The following CAMKMT variants were observed in gnomAD, a reference collection of about 807,000 sequenced individuals.
The protein encoded by CAMKMT is CaM KMT.
A neutral mutation model predicts 48.0 loss-of-function variants in CAMKMT; 53 were observed. The ratio of observed to expected loss-of-function variants is 1.10; its 90% CI spans 0.89 to 1.39. The LOEUF (loss-of-function observed/expected upper bound fraction) is 1.39, where lower values mean the gene tolerates loss of function less well. CAMKMT is among the 40% of genes most tolerant of loss of function. The pLI, the probability that CAMKMT is intolerant of heterozygous loss-of-function variation, is 0.00. For synonymous variants in CAMKMT, 165 were observed against 152.3 expected (o/e 1.08, Z -0.61); for missense variants, 428 against 402.7 (o/e 1.06, Z -0.54).
intron 3 of CAMKMT, among the ~76,000 whole-genome samples, chr2:44,475,813 C>T (rs533076808): frequency 5.3e-5 from 8 of 152,286 alleles, no homozygotes; most frequent in South Asian, 2.1e-4. Flanking sequence ...GATGGACCTA[C>T]GAACAGGACC....
intron 3 of CAMKMT, among the ~76,000 whole-genome samples, chr2:44,568,810 ATAG>A (rs1404078368): frequency 6.6e-6 from 1 of 152,188 alleles, no homozygotes; most frequent in Non-Finnish European, 1.5e-5. Context: ...TAAGGTTAGA[ATAG>A]GGTGTGGGTT....
chr2:44,467,867 C>T (rs530430124), intron 3 of CAMKMT, among the ~76,000 whole-genome samples: 10 of 152,180 alleles, frequency 6.6e-5, no homozygotes, highest in South Asian at 2.1e-4. Context: ...AGATGGATTA[C>T]GGACTCAAAT....
At chr2:44,692,405 G>A (rs1262282361) in intron 3 of CAMKMT, among the ~76,000 whole-genome samples, 1 of 152,074 alleles carries the variant, frequency 6.6e-6, no homozygotes, top group Non-Finnish European at 1.5e-5. Flanking sequence ...CAACAATCTG[G>A]CCAAAGTAGC....
intron 9 of CAMKMT, among the ~76,000 whole-genome samples, chr2:44,755,751 A>T (rs1277320091): frequency 6.6e-6 from 1 of 152,132 alleles, no homozygotes; most frequent in Admixed American, 6.5e-5. Context: ...CTCCATCTGA[A>T]TCGTGGCCAC....
intron 3 of CAMKMT, among the ~76,000 whole-genome samples, chr2:44,578,625 C>G (rs1262705018): frequency 6.6e-6 from 1 of 152,136 alleles, no homozygotes; most frequent in South Asian, 2.1e-4. Flanking sequence ...AGAACTGAAA[C>G]ACTTTCCTAG....
chr2:44,481,121 G>C (rs762572090), intron 3 of CAMKMT, among the ~76,000 whole-genome samples: 1 of 152,062 alleles, frequency 6.6e-6, no homozygotes, highest in Non-Finnish European at 1.5e-5. Context: ...TGGTGGATGT[G>C]AAAGGAAACA....
rs191173473 is a variant in CAMKMT, at chr2:44,644,419, C to T, written c.377-59864C>T. Among the ~76,000 whole-genome samples the T allele has an allele frequency of 2.1e-3, 322 of 152,258 alleles. 1 individual carries two copies. The highest frequency in any genetic ancestry group is 7.4e-3 in the African/African-American group (308 of 41,558). On this transcript the variant is annotated intron_variant, in intron 3 of 10. Transcript: ENST00000378494. Reference sequence around the variant, plus strand: ...GGTAACAACTTGGCTTGTGTGTTCTCTAAAAAATTATCACGTTTTCAAGTT... The same window carrying T: ...GGTAACAACTTGGCTTGTGTGTTCTTTAAAAAATTATCACGTTTTCAAGTT...
intron 7 of CAMKMT, among the ~76,000 whole-genome samples, chr2:44,732,124 T>A (rs1457928557): frequency 6.6e-6 from 1 of 152,062 alleles, no homozygotes; most frequent in Non-Finnish European, 1.5e-5. Flanking sequence ...GCTAATTTTT[T>A]ATTTTTTTTG....
At chr2:44,482,903 A>G (rs568557770) in intron 3 of CAMKMT, among the ~76,000 whole-genome samples, 2 of 152,246 alleles carry the variant, frequency 1.3e-5, no homozygotes, top group African/African-American at 4.8e-5. Context: ...GTGACCTACA[A>G]AAGAGGACTT....
chr2:44,555,463 G>C (rs1279357600), intron 3 of CAMKMT, among the ~76,000 whole-genome samples: 1 of 152,042 alleles, frequency 6.6e-6, no homozygotes, highest in Non-Finnish European at 1.5e-5. Context: ...AGGGAGGATG[G>C]GTTCCATTTT....
In CAMKMT at chr2:44,673,510, G is replaced by T. The variant is rs1163900409; in HGVS notation, c.377-30773G>T. 3.5e-5 allele frequency among the ~76,000 whole-genome samples: 4 copies of T among 114,536 alleles called. No individual in the cohort carries two copies. In the East Asian group the frequency reaches 7.1e-4, roughly 20 times the overall value. The allele number at this position is 114,536 out of a possible 152,430, so 75.1% of individuals were successfully genotyped here. On this transcript the variant is annotated intron_variant, in intron 3 of 10. Coordinates refer to ENST00000378494, the MANE Select transcript of CAMKMT (RefSeq NM_024766.5). ...GGAAGGAAGGAAGGAAGGAAGGAAG[G>T]AAGGAAGGAAGGAGGGAAGGAAGAA... is the stretch of plus-strand genomic sequence containing the variant.
intron 2 of CAMKMT, among the ~76,000 whole-genome samples, chr2:44,381,083 C>G (rs924741179): frequency 6.6e-6 from 1 of 152,076 alleles, no homozygotes; most frequent in African/African-American, 2.4e-5. Flanking sequence ...TCGCTTGAAC[C>G]CGGGAGACAG....
At chr2:44,450,014 T>C (rs1432505558) in intron 3 of CAMKMT, among the ~76,000 whole-genome samples, 1 of 152,190 alleles carries the variant, frequency 6.6e-6, no homozygotes, top group Admixed American at 6.6e-5. Flanking sequence ...ACTTGAATGC[T>C]TCAACTTGAG....
At chr2:44,560,847 AGT>A (rs1223939457) in intron 3 of CAMKMT, among the ~76,000 whole-genome samples, 2 of 152,132 alleles carry the variant, frequency 1.3e-5, no homozygotes, top group African/African-American at 2.4e-5. Flanking sequence ...AGAACCCTGG[AGT>A]GTAATTTGTC....
chr2:44,484,670 G>C (rs1274116792), intron 3 of CAMKMT, among the ~76,000 whole-genome samples: 2 of 141,014 alleles, frequency 1.4e-5, no homozygotes, highest in Admixed American at 1.5e-4. Flanking sequence ...CCTGAGTTAG[G>C]TAAGGATATC....
At chr2:44,771,723 C>A (rs1681120829) in intron 10 of CAMKMT, among the ~76,000 whole-genome samples, 1 of 152,056 alleles carries the variant, frequency 6.6e-6, no homozygotes, top group Non-Finnish European at 1.5e-5. Context: ...GTCAAATGCC[C>A]AGTCAGGTGA....
chr2:44,636,711 T>C (rs895043849), intron 3 of CAMKMT, among the ~76,000 whole-genome samples: 2 of 152,240 alleles, frequency 1.3e-5, no homozygotes, highest in African/African-American at 4.8e-5. Context: ...AGCTGTGTCT[T>C]TATGTATACA....
chr2:44,456,466 A>G (rs1191228252), intron 3 of CAMKMT: 2 of 1,391,096 alleles, frequency 1.4e-6, no homozygotes, highest in African/African-American at 1.5e-5. Flanking sequence ...TTATATAAAT[A>G]TGTACATTCT....
intron 7 of CAMKMT, among the ~76,000 whole-genome samples, chr2:44,729,008 T>A (rs1250021320): frequency 6.6e-6 from 1 of 151,566 alleles, no homozygotes; most frequent in Admixed American, 6.6e-5. Context: ...CAATACAACA[T>A]GTCTTTTGTT....
Sources: gnomAD v4.1 joint callset for allele counts (sites outside exome capture counted in the v4.1 genomes callset) on GRCh38, gnomAD v4.1.1 for gene constraint, MANE v1.5 for transcripts, NCBI Gene and HGNC (gene_info 2026-07-23, HGNC 2026-07-21) for gene names.